Variants in RNF13 observed in about 807,000 individuals in gnomAD.
The protein encoded by RNF13 is ring finger protein 13.
A neutral mutation model predicts 37.7 loss-of-function variants in RNF13; 19 were observed. That is an observed-to-expected ratio of 0.50 (90% CI 0.35 to 0.74). The LOEUF is 0.74. Ranked by LOEUF, RNF13 falls within the 30% of genes least tolerant of loss-of-function variation. RNF13 has a pLI of 0.01. For synonymous variants in RNF13, 144 were observed against 157.8 expected (o/e 0.91, Z 0.65); for missense variants, 375 against 453.0 (o/e 0.83, Z 1.56).
chr3:149,841,566 G>C (rs1722180694), intron 1 of RNF13, among the ~76,000 whole-genome samples: 2 of 152,168 alleles, frequency 1.3e-5, no homozygotes, highest in African/African-American at 4.8e-5. Context: ...ATCAGAGCAA[G>C]GGTGAGTGGT....
At chr3:149,900,324 G>T (rs756590298) in intron 5 of RNF13, among the ~76,000 whole-genome samples, 1 of 151,882 alleles carries the variant, frequency 6.6e-6, no homozygotes, top group Non-Finnish European at 1.5e-5. Flanking sequence ...AATAAAATAA[G>T]CTTTAAACTC....
intron 1 of RNF13, among the ~76,000 whole-genome samples, chr3:149,833,039 C>G (rs528746964): frequency 9.2e-5 from 14 of 151,982 alleles, no homozygotes; most frequent in Admixed American, 2.0e-4. Flanking sequence ...GCCAAAATTA[C>G]CCTGGTACCA....
intron 1 of RNF13, among the ~76,000 whole-genome samples, chr3:149,829,244 C>T (rs79287272): frequency 0.027 from 4,043 of 152,106 alleles, 68 homozygotes; most frequent in South Asian, 0.037. Flanking sequence ...GGATTACAGA[C>T]GTGAGCCACC....
At position 149,946,439 on chromosome 3, in the gene RNF13, A is replaced by G. The variant is rs78999121; in HGVS notation, c.701-13617A>G. On this transcript the variant is annotated intron_variant, in intron 8 of 9. Transcript: ENST00000392894. Reference sequence around the variant, plus strand: ...CAGTGAGGACTTCTCCAGTGAATCTATCTGGTCCTGGCCTTTTTTGTTGGG... The same window carrying G: ...CAGTGAGGACTTCTCCAGTGAATCTGTCTGGTCCTGGCCTTTTTTGTTGGG... 8.7e-3 allele frequency among the ~76,000 whole-genome samples: 1,328 copies of G among 152,312 alleles called. 18 individuals carry two copies. The highest frequency in any genetic ancestry group is 0.031 in the African/African-American group (1,272 of 41,570).
intron 8 of RNF13, among the ~76,000 whole-genome samples, chr3:149,934,868 T>C (rs1342505443): frequency 6.6e-6 from 1 of 152,204 alleles, no homozygotes; most frequent in East Asian, 1.9e-4. Flanking sequence ...TCTGCCTGCC[T>C]CAGCCTCCCA....
At chr3:149,960,256 T>G in intron 9 of RNF13, 120 bp downstream of exon 9, 1 of 671,160 alleles carries the variant, frequency 1.5e-6, no homozygotes, top group Non-Finnish European at 2.6e-6. Flanking sequence ...CCTGTACTAA[T>G]TAGTGGTCTC....
chr3:149,891,760 A>T (rs1204332900), intron 4 of RNF13, among the ~76,000 whole-genome samples: 1 of 152,200 alleles, frequency 6.6e-6, no homozygotes, highest in Non-Finnish European at 1.5e-5. Context: ...TGTTTCATGA[A>T]TCTTTAAGTT....
intron 1 of RNF13, among the ~76,000 whole-genome samples, chr3:149,833,928 C>CA (rs1721322766): frequency 1.3e-5 from 2 of 152,124 alleles, no homozygotes; most frequent in Admixed American, 6.5e-5. Context: ...AGCAAAGTTG[C>CA]AGGATACAAA....
At chr3:149,900,808 G>A (rs1020409305) in intron 5 of RNF13, among the ~76,000 whole-genome samples, 5 of 151,822 alleles carry the variant, frequency 3.3e-5, no homozygotes, top group Admixed American at 6.6e-5. Context: ...GGGCTTACAT[G>A]TTTTTTTCTG....
At chr3:149,828,345 A>G (rs922451399) in intron 1 of RNF13, among the ~76,000 whole-genome samples, 4 of 152,248 alleles carry the variant, frequency 2.6e-5, no homozygotes, top group Non-Finnish European at 5.9e-5. Context: ...TAAGTTTTCT[A>G]TCAATGTTGG....
chr3:149,932,008 A>G (rs1719204877), intron 8 of RNF13, among the ~76,000 whole-genome samples: 1 of 151,920 alleles, frequency 6.6e-6, no homozygotes, highest in Non-Finnish European at 1.5e-5. Flanking sequence ...GTTGCTGCAA[A>G]TAACAGGGTT....
chr3:149,847,304 A>G lies in RNF13; in HGVS notation c.114+1164A>G, dbSNP rs1210195130. ...AGGTAGAAAAAGAACATACATGCCT[A>G]TACTCTAGGTCTGTGCTAAGGATTT... is the stretch of plus-strand genomic sequence containing the variant. On this transcript the variant is annotated intron_variant, in intron 2 of 9. Coordinates refer to ENST00000392894, the MANE Select transcript of RNF13 (RefSeq NM_183381.3). 2.6e-5 allele frequency among the ~76,000 whole-genome samples: 4 copies of G among 152,146 alleles called. No individual in the cohort carries two copies. In the East Asian group the frequency reaches 5.8e-4, roughly 22 times the overall value.
At chr3:149,840,628 T>C (rs1722086267) in intron 1 of RNF13, among the ~76,000 whole-genome samples, 2 of 151,994 alleles carry the variant, frequency 1.3e-5, no homozygotes, top group South Asian at 4.2e-4. Flanking sequence ...ACTCCAACAG[T>C]TGAATAAGTT....
chr3:149,906,200 A>T (rs569497909), intron 6 of RNF13, among the ~76,000 whole-genome samples: 5 of 152,168 alleles, frequency 3.3e-5, no homozygotes, highest in Non-Finnish European at 5.9e-5. Context: ...CATTGTATGG[A>T]TATACCATGT....
chr3:149,862,228 G>T (rs992634999), intron 3 of RNF13, among the ~76,000 whole-genome samples: 3 of 151,988 alleles, frequency 2.0e-5, no homozygotes, highest in Non-Finnish European at 2.9e-5. Flanking sequence ...TGGACATTTA[G>T]ATTGCTTTCA....
chr3:149,883,208 C>T (rs1281520368), intron 4 of RNF13, among the ~76,000 whole-genome samples: 1 of 152,074 alleles, frequency 6.6e-6, no homozygotes, highest in African/African-American at 2.4e-5. Context: ...ACATATTCAG[C>T]TTAGTTGTCA....
chr3:149,941,530 GTT>G (rs61171032), intron 8 of RNF13, among the ~76,000 whole-genome samples: 3,456 of 144,158 alleles, frequency 0.024, 43 homozygotes, highest in South Asian at 0.033. Context: ...TTTAAATTAG[GTT>G]TTTTTTTTTT....
chr3:149,924,792 A>G (rs1718476838), intron 8 of RNF13, among the ~76,000 whole-genome samples: 1 of 152,202 alleles, frequency 6.6e-6, no homozygotes, highest in Non-Finnish European at 1.5e-5. Context: ...GGGGAAGTTG[A>G]GTCAAGAAAT....
intron 7 of RNF13, among the ~76,000 whole-genome samples, 196 bp from the exon 8 acceptor site, chr3:149,920,938 G>C (rs957999686): frequency 6.6e-6 from 1 of 151,928 alleles, no homozygotes; most frequent in Non-Finnish European, 1.5e-5. Context: ...AAAAATTCAA[G>C]GGGTAATTCA....
Sources: gnomAD v4.1 joint callset for allele counts (sites outside exome capture counted in the v4.1 genomes callset) on GRCh38, gnomAD v4.1.1 for gene constraint, MANE v1.5 for transcripts, NCBI Gene and HGNC (gene_info 2026-07-23, HGNC 2026-07-21) for gene names.